PPP2R3A: variants seen among roughly 807,000 people sequenced by gnomAD.
PPP2R3A encodes the protein serine/threonine-protein phosphatase 2A regulatory subunit B'' subunit alpha.
A neutral mutation model predicts 106.9 loss-of-function variants in PPP2R3A; 80 were observed. That is an observed-to-expected ratio of 0.75 (90% CI 0.62 to 0.90). The LOEUF is 0.90. Ranked by LOEUF, PPP2R3A falls within the 40% of genes least tolerant of loss-of-function variation. The pLI is 0.00. For missense variants in PPP2R3A, 1,386 were observed against 1,350.4 expected, an observed-to-expected ratio of 1.03 and a Z score of -0.41; for synonymous variants, 483 against 468.3, an observed-to-expected ratio of 1.03 and a Z score of -0.41.
At chr3:136,038,022 A>G (rs922148037) in intron 3 of PPP2R3A, among the ~76,000 whole-genome samples, 1 of 151,980 alleles carries the variant, frequency 6.6e-6, no homozygotes, top group African/African-American at 2.4e-5. Context: ...TTCTATTAAT[A>G]AAAGTGCTAT....
At chr3:136,055,225 C>T (rs974095959) in intron 5 of PPP2R3A, 4 of 777,558 alleles carry the variant, frequency 5.1e-6, no homozygotes, top group Non-Finnish European at 6.6e-6. Context: ...AAAAGCCAGA[C>T]ATACTTTCTA....
chr3:135,991,128 T>G (rs1933142533), intron 1 of PPP2R3A, among the ~76,000 whole-genome samples: 3 of 152,144 alleles, frequency 2.0e-5, no homozygotes, highest in Admixed American at 1.3e-4. Flanking sequence ...TGTGTCGTCT[T>G]TTGCGTAAAG....
chr3:136,115,704 T>G (rs550666937), intron 13 of PPP2R3A, among the ~76,000 whole-genome samples: 1 of 151,198 alleles, frequency 6.6e-6, no homozygotes, highest in South Asian at 2.1e-4. Context: ...AAAAAAAGAA[T>G]GAAAAGGAAC....
Position 136,002,551 on chromosome 3 carries a change from T to G in PPP2R3A, c.1053T>G (p.Ile351Met). Reference sequence around the variant, plus strand: ...CTGACTCTGGACGATTTCAAACTATTGAATTGCAAAATGACAAGCCTAATT... The same window carrying G: ...CTGACTCTGGACGATTTCAAACTATGGAATTGCAAAATGACAAGCCTAATT... ...SASDSGRFQTIELQNDKPNSR... is the reference protein window; with the variant it reads ...SASDSGRFQTMELQNDKPNSR... The change falls in exon 2 of 14, where the codon ATT becomes ATG. Residue 351 changes from isoleucine (I) to methionine (M), a missense_variant. Ile to Met is a conservative substitution (Grantham distance 10). Coordinates refer to ENST00000264977, the MANE Select transcript of PPP2R3A (RefSeq NM_002718.5). 1 of 1,613,980 alleles carries G rather than the reference T, an allele frequency of 6.2e-7. No homozygotes were observed. Among genetic ancestry groups the G allele is most frequent in the Non-Finnish European group, 8.5e-7 (1 of 1,179,888 alleles).
At chr3:136,082,520 C>A (rs911507768) in intron 8 of PPP2R3A, 99 bp downstream of exon 8, 1 of 1,349,138 alleles carries the variant, frequency 7.4e-7, no homozygotes, top group Non-Finnish European at 1.0e-6. Flanking sequence ...AATTCTAAAC[C>A]TAATCAAGTC....
intron 9 of PPP2R3A, 114 bp from the exon 10 acceptor site, chr3:136,090,464 C>T: frequency 6.6e-6 from 5 of 760,828 alleles, no homozygotes; most frequent in Non-Finnish European, 6.4e-6. Flanking sequence ...AGGCATTTAG[C>T]ATTATAATTT....
intron 13 of PPP2R3A, among the ~76,000 whole-genome samples, chr3:136,110,678 C>T (rs1159829621): frequency 6.6e-6 from 1 of 152,086 alleles, no homozygotes; most frequent in Non-Finnish European, 1.5e-5. Context: ...GGCTATGTTC[C>T]AATAAAACTT....
intron 1 of PPP2R3A, among the ~76,000 whole-genome samples, chr3:135,970,104 A>G (rs1937202511): frequency 6.6e-6 from 1 of 152,204 alleles, no homozygotes; most frequent in African/African-American, 2.4e-5. Flanking sequence ...TTTTCTGTTT[A>G]CTTGATCTGA....
rs371881999 is a variant in PPP2R3A at position 136,131,936 on chromosome 3, C to G, written c.3330-13107C>G. ...GACAGAAAACCAAACACCGCATGTTCTCACTCATAGGTGGGAATTGAACAA... is the reference window on the plus strand; with the variant it reads ...GACAGAAAACCAAACACCGCATGTTGTCACTCATAGGTGGGAATTGAACAA... On this transcript the variant is annotated intron_variant, in intron 13 of 13. Coordinates refer to ENST00000264977, the MANE Select transcript of PPP2R3A (RefSeq NM_002718.5). Among the ~76,000 whole-genome samples the G allele has an allele frequency of 1.7e-4, 25 of 150,386 alleles. No homozygotes were observed. In the East Asian group the frequency reaches 4.1e-3, roughly 25 times the overall value.
intron 1 of PPP2R3A, among the ~76,000 whole-genome samples, chr3:135,997,551 C>T (rs927933972): frequency 6.6e-6 from 1 of 152,138 alleles, no homozygotes; most frequent in African/African-American, 2.4e-5. Flanking sequence ...TTCTGCTGAC[C>T]TCCAGGTTTT....
chr3:136,051,092 C>T (rs114776365), intron 5 of PPP2R3A, among the ~76,000 whole-genome samples: 1,901 of 152,220 alleles, frequency 0.012, 44 homozygotes, highest in African/African-American at 0.043. Context: ...TTCTTCATAG[C>T]CTGAGATATT....
At chr3:135,990,339 A>T (rs1286423199) in intron 1 of PPP2R3A, among the ~76,000 whole-genome samples, 1 of 152,168 alleles carries the variant, frequency 6.6e-6, no homozygotes, top group Non-Finnish European at 1.5e-5. Flanking sequence ...GAAGGGAAGG[A>T]GGATGTAAAA....
chr3:136,046,159 A>C (rs777567470), intron 4 of PPP2R3A, among the ~76,000 whole-genome samples: 3 of 151,968 alleles, frequency 2.0e-5, no homozygotes, highest in Non-Finnish European at 4.4e-5. Flanking sequence ...CCTTGGTGAC[A>C]GAGCCAGGCT....
chr3:135,965,987 C>A (rs1363723591), intron 1 of PPP2R3A, 138 bp downstream of exon 1: 1 of 153,250 alleles, frequency 6.5e-6, no homozygotes, highest in Non-Finnish European at 1.5e-5. Flanking sequence ...ACCGGCCTGG[C>A]CAGAGGGGCC....
intron 13 of PPP2R3A, among the ~76,000 whole-genome samples, chr3:136,136,222 C>A (rs910755403): frequency 1.3e-5 from 2 of 151,708 alleles, no homozygotes; most frequent in Non-Finnish European, 2.9e-5. Context: ...AATAAGGGTA[C>A]GACTTGGCAC....
rs1044972537 is a variant in PPP2R3A at position 135,981,479 on chromosome 3, CA to C, written c.-441+15635del. On this transcript the variant is annotated intron_variant, in intron 1 of 13. Coordinates refer to ENST00000264977, the MANE Select transcript of PPP2R3A (RefSeq NM_002718.5). ...GTTAGCCCTTCCTTAAAACTGATTACAAAAAGTGACCTTTTTTTCTAGTCCA... is the reference window on the plus strand; with the variant it reads ...GTTAGCCCTTCCTTAAAACTGATTACAAAAGTGACCTTTTTTTCTAGTCCA... Among the ~76,000 whole-genome samples the C allele has an allele frequency of 1.1e-4, 17 of 151,778 alleles. 1 individual carries two copies. Among genetic ancestry groups the C allele is most frequent in the African/African-American group, 3.9e-4 (16 of 41,080 alleles).
At chr3:136,006,098 A>G (rs1933835658) in intron 2 of PPP2R3A, among the ~76,000 whole-genome samples, 1 of 152,196 alleles carries the variant, frequency 6.6e-6, no homozygotes, top group Non-Finnish European at 1.5e-5. Context: ...GCTACCTTAA[A>G]ATGCCACACT....
intron 5 of PPP2R3A, among the ~76,000 whole-genome samples, chr3:136,049,872 A>G (rs996872725): frequency 6.6e-6 from 1 of 152,234 alleles, no homozygotes; most frequent in Non-Finnish European, 1.5e-5. Flanking sequence ...TCTTCAACCC[A>G]AGATATATTT....
At position 136,055,554 on chromosome 3, in the gene PPP2R3A, C is replaced by T. The variant is rs114875960; in HGVS notation, c.2469+6193C>T. 5.8e-6 allele frequency: 8 copies of T among 1,372,212 alleles called. No homozygotes were observed. The East Asian group carries it at 1.8e-4, about 32-fold the overall frequency. 85.0% of individuals were successfully genotyped at this position (1,372,212 alleles called of 1,614,324 possible). A position where few individuals can be genotyped will look rare whatever the true frequency, so the allele number is the denominator to read the frequency against. On this transcript the variant is annotated intron_variant, in intron 5 of 13. Coordinates refer to ENST00000264977, the MANE Select transcript of PPP2R3A (RefSeq NM_002718.5). ...CTCTGCATTCACTGACCATGCTGCT[C>T]AAATCTTCACAGAGCGGGTCTTTCT...
Sources: gnomAD v4.1 joint callset for allele counts (sites outside exome capture counted in the v4.1 genomes callset) on GRCh38, gnomAD v4.1.1 for gene constraint, MANE v1.5 for transcripts, NCBI Gene and HGNC (gene_info 2026-07-23, HGNC 2026-07-21) for gene names.